Variants in CLTC observed in about 807,000 individuals in gnomAD.
CLTC encodes clathrin heavy chain.
A neutral mutation model predicts 195.8 loss-of-function variants in CLTC; 16 were observed. The ratio of observed to expected loss-of-function variants is 0.08; its 90% CI spans 0.06 to 0.12. The LOEUF (loss-of-function observed/expected upper bound fraction) is 0.12, where lower values mean the gene tolerates loss of function less well. Ranked by LOEUF, CLTC falls within the 10% of genes least tolerant of loss-of-function variation. The pLI, the probability that CLTC is intolerant of heterozygous loss-of-function variation, is 1.00. For synonymous variants in CLTC, 667 were observed against 689.4 expected, an observed-to-expected ratio of 0.97 and a Z score of 0.51; for missense variants, 796 against 2,027.0, an observed-to-expected ratio of 0.39 and a Z score of 11.66.
chr17:59,644,412 A>G lies in CLTC; in HGVS notation c.179A>G (p.Asn60Ser). 4 of 1,614,184 alleles carry G rather than the reference A, an allele frequency of 2.5e-6. No homozygotes were observed. The highest frequency in any genetic ancestry group is 3.4e-6 in the Non-Finnish European group (4 of 1,180,034). Residue 60 changes from asparagine to serine, a missense_variant, in exon 2 of 32, where the codon AAT (asparagine) becomes AGT (serine). This residue lies in a region of CLTC where 293 missense variants were observed against 795.6 expected (regional missense o/e 0.37). Coordinates refer to ENST00000269122, the MANE Select transcript of CLTC (RefSeq NM_004859.4). ...ATCATTGATATGAATGACCCAAGTAATCCAATTCGAAGACCAATTTCAGCA... is the reference window on the plus strand; with the variant it reads ...ATCATTGATATGAATGACCCAAGTAGTCCAATTCGAAGACCAATTTCAGCA... Reference protein sequence around the residue: ...VVIIDMNDPSNPIRRPISADS... With the variant: ...VVIIDMNDPSSPIRRPISADS...
chr17:59,658,112 A>G (rs1302422712), intron 6 of CLTC, among the ~76,000 whole-genome samples: 1 of 152,068 alleles, frequency 6.6e-6, no homozygotes, highest in Non-Finnish European at 1.5e-5. Flanking sequence ...CTGAGACAGG[A>G]GAATTGCTTG....
intron 8 of CLTC, among the ~76,000 whole-genome samples, chr17:59,662,296 C>T (rs951390596): frequency 9.9e-5 from 15 of 152,024 alleles, no homozygotes; most frequent in African/African-American, 2.9e-4. Flanking sequence ...AGGTCTTCTC[C>T]ATGCCTTTTA....
At chr17:59,649,659 T>C (rs758626369) in intron 4 of CLTC, among the ~76,000 whole-genome samples, 2 of 152,138 alleles carry the variant, frequency 1.3e-5, no homozygotes, top group Non-Finnish European at 2.9e-5. Context: ...AAAATTGAGA[T>C]AGAGATTGCT....
rs1306185086 is a variant in CLTC at position 59,694,357 on chromosome 17, C to G, written c.*505C>G. Reference sequence around the variant, plus strand: ...ACAAAGACAACACTAATCAGCACATCGTACACTGGATTGCAGTGCTTCCCA... The same window carrying G: ...ACAAAGACAACACTAATCAGCACATGGTACACTGGATTGCAGTGCTTCCCA... On this transcript the variant is annotated 3_prime_UTR_variant, in exon 32 of 32. Transcript: ENST00000269122. The G allele has an allele frequency of 4.5e-6, 1 of 223,630 alleles. No homozygotes were observed. Among genetic ancestry groups the G allele is most frequent in the South Asian group, 1.8e-4 (1 of 5,442 alleles). The allele number at this position is 223,630 out of a possible 1,614,324, so 13.9% of individuals were successfully genotyped here.
At chr17:59,670,059 C>G (rs10515170) in intron 14 of CLTC, among the ~76,000 whole-genome samples, 3,584 of 152,206 alleles carry the variant, frequency 0.024, 60 homozygotes, top group Non-Finnish European at 0.037. Context: ...TCTTGGCCAT[C>G]ATGAATATTC....
intron 1 of CLTC, among the ~76,000 whole-genome samples, chr17:59,636,259 A>G (rs1445473130): frequency 2.6e-5 from 4 of 152,162 alleles, no homozygotes; most frequent in Non-Finnish European, 5.9e-5. Context: ...TTAACCTTTC[A>G]TGGAGCACCT....
chr17:59,670,728 A>G (rs1435211156), intron 14 of CLTC, among the ~76,000 whole-genome samples: 1 of 152,056 alleles, frequency 6.6e-6, no homozygotes, highest in Admixed American at 6.6e-5. Context: ...TTTGAGCTTT[A>G]AAAAAAATCC....
chr17:59,630,418 C>A (rs142390814), intron 1 of CLTC, among the ~76,000 whole-genome samples: 62 of 152,246 alleles, frequency 4.1e-4, no homozygotes, highest in African/African-American at 1.4e-3. Context: ...TTTTCAATTG[C>A]GATAAAACTC....
chr17:59,641,789 G>A (rs1250274518), intron 1 of CLTC, among the ~76,000 whole-genome samples: 1 of 151,878 alleles, frequency 6.6e-6, no homozygotes, highest in Admixed American at 6.6e-5. Context: ...AGTAATATAA[G>A]GATTACATAG....
rs542661655 is a variant in CLTC, at chr17:59,687,306, T to G, written c.4827+1498T>G. On this transcript the variant is annotated intron_variant, in intron 30 of 31. Transcript: ENST00000269122. ...ATTATGAAAAACTGAGTATGGTGAG[T>G]TTCCATATTAATTTCAAAGTAACAG... 3.9e-5 allele frequency among the ~76,000 whole-genome samples: 6 copies of G among 152,080 alleles called. No homozygotes were observed. In the South Asian group the frequency reaches 1.2e-3, roughly 32 times the overall value.
In CLTC at chr17:59,648,489, C is replaced by A; in HGVS notation, c.681+88C>A. 8.1e-7 allele frequency: 1 copy of A among 1,228,136 alleles called. No homozygotes were observed. Among genetic ancestry groups the A allele is most frequent in the Non-Finnish European group, 1.1e-6 (1 of 878,484 alleles). The allele number at this position is 1,228,136 out of a possible 1,614,324, so 76.1% of individuals were successfully genotyped here. On this transcript the variant is annotated intron_variant, in intron 4 of 31. Transcript: ENST00000269122. This position sits in a 1 kb window ranked among gnomAD's most constrained non-coding sequence, Gnocchi z 4.5. The stretch of plus-strand genomic sequence containing the variant: ...AGTCATCTAATTTCAAAATAGCCTT[C>A]TCCCTTCCTAAGTAATTTTAGTATT...
chr17:59,627,039 C>T (rs1258298765), intron 1 of CLTC, among the ~76,000 whole-genome samples: 2 of 149,626 alleles, frequency 1.3e-5, no homozygotes, highest in Admixed American at 6.8e-5. Context: ...GCTGGGACTA[C>T]AGGCGTGCGC....
chr17:59,635,250 G>A (rs2031829745), intron 1 of CLTC, among the ~76,000 whole-genome samples: 1 of 152,224 alleles, frequency 6.6e-6, no homozygotes, highest in African/African-American at 2.4e-5. Flanking sequence ...TCTGGAAAAT[G>A]TGAAGCCAAG....
chr17:59,667,619 G>A (rs1018275175), intron 13 of CLTC, among the ~76,000 whole-genome samples: 4 of 152,162 alleles, frequency 2.6e-5, no homozygotes, highest in African/African-American at 9.7e-5. Context: ...ATTTAGGGCT[G>A]GATAATCATT....
intron 15 of CLTC, 74 bp from the exon 16 acceptor site, chr17:59,674,627 G>C (rs2032925350): frequency 7.4e-7 from 1 of 1,359,694 alleles, no homozygotes; most frequent in Admixed American, 2.5e-5. Context: ...AAGCGATAGA[G>C]ATAAATGCTT....
At chr17:59,621,434 A>G (rs917965745) in intron 1 of CLTC, among the ~76,000 whole-genome samples, 10 of 152,210 alleles carry the variant, frequency 6.6e-5, no homozygotes, top group African/African-American at 2.4e-4. Context: ...TTTACCATTG[A>G]AGACCATTTT....
rs2033092683 is a variant in CLTC, at chr17:59,682,106, T to C, written c.3443-165T>C. Among the ~76,000 whole-genome samples the C allele has an allele frequency of 6.6e-6, 1 of 152,250 alleles. No homozygotes were observed. Among genetic ancestry groups the C allele is most frequent in the South Asian group, 2.1e-4 (1 of 4,832 alleles). On this transcript the variant is annotated intron_variant, in intron 21 of 31. Transcript: ENST00000269122. This position sits in a 1 kb window ranked among gnomAD's most constrained non-coding sequence, Gnocchi z 6.8. ...AAACTTTAAGGAAAAAGAATTCATC[T>C]ATTCATTTGGTCCGTGATAATACAG...
At chr17:59,637,308 A>G (rs1401798222) in intron 1 of CLTC, among the ~76,000 whole-genome samples, 1 of 150,440 alleles carries the variant, frequency 6.6e-6, no homozygotes, top group Non-Finnish European at 1.5e-5. Context: ...GCAGTGGCAC[A>G]ATCTCGGCTC....
At chr17:59,627,087 G>A (rs879318592) in intron 1 of CLTC, among the ~76,000 whole-genome samples, 1 of 151,788 alleles carries the variant, frequency 6.6e-6, no homozygotes, top group African/African-American at 2.4e-5. Flanking sequence ...TTTTTGTAGA[G>A]TCGGGGTTTT....
Sources: gnomAD v4.1 joint callset for allele counts (sites outside exome capture counted in the v4.1 genomes callset) on GRCh38, gnomAD v4.1.1 for gene constraint, gnomAD v4.1.1 regional missense constraint, Gnocchi (gnomAD v3.1) non-coding constraint, MANE v1.5 for transcripts, NCBI Gene and HGNC (gene_info 2026-07-23, HGNC 2026-07-21) for gene names.